MYBBP1A: variants seen among roughly 807,000 people sequenced by gnomAD.
MYBBP1A encodes myb-binding protein 1A.
In MYBBP1A, 147 loss-of-function variants were observed where a neutral mutation model predicts 136.3. The ratio of observed to expected loss-of-function variants is 1.08; its 90% CI spans 0.94 to 1.24. The LOEUF is 1.24. Ranked by LOEUF, MYBBP1A falls within the 50% of genes most tolerant of loss-of-function variation. The pLI, the probability that MYBBP1A is intolerant of heterozygous loss-of-function variation, is 0.00. For synonymous variants in MYBBP1A, 947 were observed against 735.8 expected, an observed-to-expected ratio of 1.29 and a Z score of -4.65; for missense variants, 2,060 against 1,727.4, an observed-to-expected ratio of 1.19 and a Z score of -3.41.
chr17:4,539,193 G>GA lies in MYBBP1A; in HGVS notation c.*221dup. 1 of 1,452,510 alleles carries GA rather than the reference G, an allele frequency of 6.9e-7. No homozygotes were observed. Among genetic ancestry groups the GA allele is most frequent in the Non-Finnish European group, 9.0e-7 (1 of 1,112,134 alleles). 90.0% of individuals were successfully genotyped at this position (1,452,510 alleles called of 1,614,324 possible). On this transcript the variant is annotated 3_prime_UTR_variant, in exon 26 of 26. Coordinates refer to ENST00000254718, the MANE Select transcript of MYBBP1A (RefSeq NM_014520.4). Reference sequence around the variant, plus strand: ...GCCCTGGAGCCAGGGTCCCAGCCCAGAACCGGGGGTGGGGAGGTCTCTGCA... The same window carrying GA: ...GCCCTGGAGCCAGGGTCCCAGCCCAGAAACCGGGGGTGGGGAGGTCTCTGCA...
rs768411005 is a variant in MYBBP1A at position 4,544,797 on chromosome 17, T to C, written c.2435A>G (p.Asn812Ser). The change falls in exon 18 of 26, where the codon AAC (asparagine) becomes AGC (serine). Residue 812 changes from asparagine (N) to serine (S), a missense_variant. Coordinates refer to ENST00000254718, the MANE Select transcript of MYBBP1A (RefSeq NM_014520.4). ...CAGAGCCTTCTCCTTCTGCAGCTTG[T>C]TCTTCTCGTCTCGCCGGGCCTGGAT... is the stretch of plus-strand genomic sequence containing the variant. ...LRIQARRDEK[N>S]KLQKEKALRR... 1.0e-5 allele frequency: 16 copies of C among 1,599,844 alleles called. No individual in the cohort carries two copies. The highest frequency in any genetic ancestry group is 1.4e-5 in the Non-Finnish European group (16 of 1,173,894).
intron 25 of MYBBP1A, 83 bp downstream of exon 25, chr17:4,540,265 G>A (rs1906273738): frequency 2.7e-6 from 4 of 1,481,868 alleles, no homozygotes; most frequent in Admixed American, 4.1e-5. Flanking sequence ...GCAGCAGCGT[G>A]TGTGCAGCGT....
At position 4,551,943 on chromosome 17, in the gene MYBBP1A, C is replaced by T; in HGVS notation, c.960G>A (p.Gln320=). 6.2e-7 allele frequency: 1 copy of T among 1,612,980 alleles called. No individual in the cohort carries two copies. The highest frequency in any genetic ancestry group is 8.5e-7 in the Non-Finnish European group (1 of 1,179,404). Residue 320 remains glutamine, a synonymous_variant, in exon 8 of 26, where the codon CAG becomes CAA. Coordinates refer to ENST00000254718, the MANE Select transcript of MYBBP1A (RefSeq NM_014520.4). The stretch of plus-strand genomic sequence containing the variant: ...CGTCTCCCTGCATCACCAGGTGCAG[C>T]TGCTCCTTGGTCAGCAGGGGCAGGG... ...GAALPLLTKE[Q]LHLVMQGDVI...
chr17:4,554,547 G>A (rs1330526353), intron 2 of MYBBP1A, among the ~76,000 whole-genome samples: 1 of 152,200 alleles, frequency 6.6e-6, no homozygotes, highest in African/African-American at 2.4e-5. Context: ...AGGCGCCTCA[G>A]AGAGTGGTCT....
In MYBBP1A at chr17:4,544,926, G is replaced by C. The variant is rs1490154512; in HGVS notation, c.2311-5C>G. On this transcript the variant is annotated splice_polypyrimidine_tract_variant and splice_region_variant and intron_variant, in intron 17 of 25. Transcript: ENST00000254718. ...GTTCTCACTGTCCTCTCCACCCTGA[G>C]GGACAGAGGCCCAGCGGTCAGCCAG... 1 of 1,596,806 alleles carries C rather than the reference G, an allele frequency of 6.3e-7. No individual in the cohort carries two copies. The highest frequency in any genetic ancestry group is 8.5e-7 in the Non-Finnish European group (1 of 1,170,374).
At chr17:4,554,418 A>G (rs1907840831) in intron 2 of MYBBP1A, 140 bp from the exon 3 acceptor site, 1 of 675,078 alleles carries the variant, frequency 1.5e-6, no homozygotes, top group Non-Finnish European at 2.6e-6. Context: ...TGTACCTTCT[A>G]TGGCCCCTAG....
chr17:4,555,270 C>T lies in MYBBP1A; in HGVS notation c.55G>A (p.Gly19Ser). 6.2e-7 allele frequency: 1 copy of T among 1,611,248 alleles called. No homozygotes were observed. The highest frequency in any genetic ancestry group is 8.5e-7 in the Non-Finnish European group (1 of 1,179,352). ...PMSPGEATQSGARPADRYGLL... is the reference protein window; with the variant it reads ...PMSPGEATQSSARPADRYGLL... The stretch of plus-strand genomic sequence containing the variant: ...CCATAGCGGTCGGCAGGCCGGGCGC[C>T]ACTCTGCGTCGCTTCTCCAGGCGAC... The change falls in exon 1 of 26, where the codon GGC (glycine) becomes AGC (serine). Residue 19 changes from glycine to serine, a missense_variant. Transcript: ENST00000254718.
At position 4,539,959 on chromosome 17, in the gene MYBBP1A, T is replaced by C. The variant is rs1399144918; in HGVS notation, c.3443A>G (p.Lys1148Arg). The C allele has an allele frequency of 6.3e-7, 1 of 1,598,084 alleles. No individual in the cohort carries two copies. The highest frequency in any genetic ancestry group is 8.5e-7 in the Non-Finnish European group (1 of 1,179,222). Residue 1148 changes from lysine (K) to arginine (R), a missense_variant, in exon 26 of 26, where the codon AAG becomes AGG. Physicochemically the swap from Lys to Arg is conservative, Grantham distance 26. Transcript: ENST00000254718. Reference protein sequence around the residue: ...AMKTLGVQRPKLEKKDAKEIP... With the variant: ...AMKTLGVQRPRLEKKDAKEIP... ...CTCCTTGGCATCCTTCTTCTCCAAC[T>C]TGGGGCGCCTGAAGGGAAGTGAGCA...
Position 4,539,546 on chromosome 17 carries a change from C to T in MYBBP1A, c.3856G>A (p.Val1286Ile). 6.2e-7 allele frequency: 1 copy of T among 1,614,162 alleles called. No homozygotes were observed. The highest frequency in any genetic ancestry group is 8.5e-7 in the Non-Finnish European group (1 of 1,180,024). ...QHQKALPKKG[V>I]LGKSPLSALA... ...GCGGACAGTGGTGATTTGCCCAAGACCCCCTTTTTGGGAAGAGCCTTCTGA... is the reference window on the plus strand; with the variant it reads ...GCGGACAGTGGTGATTTGCCCAAGATCCCCTTTTTGGGAAGAGCCTTCTGA... The change falls in exon 26 of 26, where the codon GTC (valine) becomes ATC (isoleucine). Residue 1286 changes from valine to isoleucine, a missense_variant. Physicochemically the swap from Val to Ile is conservative, Grantham distance 29 (BLOSUM62 3). Transcript: ENST00000254718.
intron 5 of MYBBP1A, 64 bp downstream of exon 5, chr17:4,553,746 C>A: frequency 8.0e-7 from 1 of 1,256,240 alleles, no homozygotes; most frequent in African/African-American, 1.5e-5. Context: ...GATTCTCATC[C>A]GAGCCCCCTT....
chr17:4,543,297 C>G, intron 19 of MYBBP1A, 132 bp from the exon 20 acceptor site: 2 of 1,294,768 alleles, frequency 1.5e-6, no homozygotes, highest in Non-Finnish European at 2.1e-6. Context: ...ACCCAGGCCA[C>G]AGAGGAGGGC....
intron 19 of MYBBP1A, 187 bp from the exon 20 acceptor site, chr17:4,543,352 T>G (rs1947358592): frequency 1.3e-6 from 1 of 774,816 alleles, no homozygotes; most frequent in Non-Finnish European, 2.0e-6. Flanking sequence ...GGGCTCAGAG[T>G]GCTGGGGTGA....
chr17:4,541,345 G>A (rs1597377128), intron 24 of MYBBP1A, 118 bp downstream of exon 24: 1 of 905,582 alleles, frequency 1.1e-6, no homozygotes, highest in Non-Finnish European at 1.8e-6. Context: ...GCACTGAGAA[G>A]TTTCCCCACA....
At position 4,539,803 on chromosome 17, in the gene MYBBP1A, G is replaced by A; in HGVS notation, c.3599C>T (p.Thr1200Ile). ...CATGCTGGGGGGCTGGCTCCCGCCG[G>A]TGGCTGCAGGTGTGCCATCCTCCGC... ...TPAEDGTPAA[T>I]GGSQPPSMGR... The change falls in exon 26 of 26, where the codon ACC becomes ATC. Residue 1200 changes from threonine to isoleucine, a missense_variant. Coordinates refer to ENST00000254718, the MANE Select transcript of MYBBP1A (RefSeq NM_014520.4). The A allele has an allele frequency of 6.2e-7, 1 of 1,612,040 alleles. No homozygotes were observed. The highest frequency in any genetic ancestry group is 8.5e-7 in the Non-Finnish European group (1 of 1,179,992).
In MYBBP1A at chr17:4,542,709, G is replaced by A. The variant is rs1906565608; in HGVS notation, c.2925C>T (p.Thr975=). 1.2e-6 allele frequency: 2 copies of A among 1,613,870 alleles called. No individual in the cohort carries two copies. Among genetic ancestry groups the A allele is most frequent in the African/African-American group, 1.3e-5 (1 of 74,918 alleles). Residue 975 remains threonine, a synonymous_variant, in exon 21 of 26, where the codon ACC becomes ACT. Coordinates refer to ENST00000254718, the MANE Select transcript of MYBBP1A (RefSeq NM_014520.4). ...AGCTCAGTGCTGTCGAGTACACCCG[G>A]GTCACCAGGTTCAAGTCCAAGCAGC... ...AASCLDLNLV[T]RVYSTALSSF...
intron 8 of MYBBP1A, 146 bp from the exon 9 acceptor site, chr17:4,550,499 A>G (rs1318098043): frequency 3.4e-6 from 3 of 873,504 alleles, no homozygotes; most frequent in Non-Finnish European, 3.5e-6. Flanking sequence ...GCTTGTGCCC[A>G]CTACAGGTTA....
rs374557293 is a variant in MYBBP1A at position 4,539,798 on chromosome 17, C to T, written c.3604G>A (p.Gly1202Arg). ...CTGCCCATGCTGGGGGGCTGGCTCC[C>T]GCCGGTGGCTGCAGGTGTGCCATCC... ...AEDGTPAATG[G>R]SQPPSMGRKK... The change falls in exon 26 of 26, where the codon GGG becomes AGG. Residue 1202 changes from glycine to arginine, a missense_variant. By Grantham distance (125) the Gly-to-Arg change is moderately radical. Transcript: ENST00000254718. 17 of 1,612,128 alleles carry T rather than the reference C, an allele frequency of 1.1e-5. No individual in the cohort carries two copies. The highest frequency in any genetic ancestry group is 2.7e-5 in the African/African-American group (2 of 74,888).
At position 4,544,733 on chromosome 17, in the gene MYBBP1A, G is replaced by T; in HGVS notation, c.2481+18C>A. On this transcript the variant is annotated intron_variant, in intron 18 of 25. Coordinates refer to ENST00000254718, the MANE Select transcript of MYBBP1A (RefSeq NM_014520.4). ...GCACAGGGAGGCGGGGGTGGGTGCG[G>T]CCCGCCCCCAGGCTCACCCGGATCT... 1 of 1,515,252 alleles carries T rather than the reference G, an allele frequency of 6.6e-7. No individual in the cohort carries two copies. The highest frequency in any genetic ancestry group is 2.4e-5 in the East Asian group (1 of 41,476). 93.9% of individuals were successfully genotyped at this position (1,515,252 alleles called of 1,614,324 possible).
intron 8 of MYBBP1A, among the ~76,000 whole-genome samples, 168 bp downstream of exon 8, chr17:4,551,709 CAAA>C (rs972036267): frequency 6.8e-6 from 1 of 146,864 alleles, no homozygotes; most frequent in African/African-American, 2.5e-5. Context: ...AACTTCATCT[CAAA>C]AAAAAAAAAT....
Sources: allele counts gnomAD v4.1 joint callset (sites outside exome capture counted in the v4.1 genomes callset), GRCh38; gene constraint gnomAD v4.1.1; transcripts MANE v1.5; gene names NCBI Gene and HGNC (gene_info 2026-07-23, HGNC 2026-07-21).